The following PHF24 variants were observed in gnomAD, a reference collection of about 807,000 sequenced individuals.
PHF24 encodes the protein PHD finger protein 24.
PHF24 carries 25 observed loss-of-function variants against 42.6 expected under a neutral mutation model. The ratio of observed to expected loss-of-function variants is 0.59; its 90% CI spans 0.43 to 0.82. The LOEUF is 0.82. Among genes scored for constraint, PHF24 ranks in the 40% least tolerant of loss-of-function variants. The pLI is 0.00. For synonymous variants in PHF24, 185 were observed against 204.8 expected (o/e 0.90, Z 0.83); for missense variants, 470 against 538.1 (o/e 0.87, Z 1.25).
At chr9:34,946,254 G>C in the PHF24 span, among the ~76,000 whole-genome samples, 1 of 152,166 alleles carries the variant, frequency 6.6e-6, no homozygotes, top group African/African-American at 2.4e-5. Context: ...ATTATTAATG[G>C]TAGGTGGTTC....
At position 34,978,081 on chromosome 9, in the gene PHF24, C is replaced by A. The variant is rs199818707; in HGVS notation, c.1173C>A (p.Ser391Arg). Reference sequence around the variant, plus strand: ...ACATCCTGGCTGCTCGCCCCAACAGCGCAGCCATTCACCTGAAGCCCCCAG... The same window carrying A: ...ACATCCTGGCTGCTCGCCCCAACAGAGCAGCCATTCACCTGAAGCCCCCAG... The change falls in exon 8 of 8, where the codon AGC (serine) becomes AGA (arginine). Residue 391 changes from serine (S) to arginine (R), a missense_variant. Ser to Arg is a moderately radical substitution (Grantham distance 110, BLOSUM62 -1). Transcript: ENST00000242315. 584 of 1,614,010 alleles carry A rather than the reference C, an allele frequency of 3.6e-4. 1 individual carries two copies. Among genetic ancestry groups the A allele is most frequent in the Non-Finnish European group, 9.3e-5 (110 of 1,179,976 alleles).
chr9:34,889,868 G>C, the PHF24 span, among the ~76,000 whole-genome samples: 3 of 152,148 alleles, frequency 2.0e-5, no homozygotes, highest in Non-Finnish European at 4.4e-5. Context: ...GGCCCTTTAA[G>C]CTCTGGGCAC....
chr9:34,678,577 C>T, the PHF24 span, among the ~76,000 whole-genome samples: 2 of 152,068 alleles, frequency 1.3e-5, no homozygotes, highest in Non-Finnish European at 2.9e-5. Context: ...TCAAGTGATC[C>T]GCCCGCCTAG....
the PHF24 span, among the ~76,000 whole-genome samples, chr9:34,778,859 G>T: frequency 6.6e-6 from 1 of 152,152 alleles, no homozygotes; most frequent in East Asian, 1.9e-4. Flanking sequence ...AAGACCATTT[G>T]CTAGGTCATA....
chr9:34,751,389 G>A, the PHF24 span, among the ~76,000 whole-genome samples: 1 of 151,902 alleles, frequency 6.6e-6, no homozygotes, highest in East Asian at 1.9e-4. Flanking sequence ...AAATAAAAGA[G>A]TAGGAGTAGC....
At chr9:34,721,440 G>A in the PHF24 span, among the ~76,000 whole-genome samples, 1 of 138,970 alleles carries the variant, frequency 7.2e-6, no homozygotes, top group Non-Finnish European at 1.5e-5. Context: ...TCTCGATGGA[G>A]TTTTGCTCTT....
chr9:34,966,715 G>A (rs1826785402), intron 1 of PHF24, among the ~76,000 whole-genome samples: 1 of 151,972 alleles, frequency 6.6e-6, no homozygotes, highest in African/African-American at 2.4e-5. Context: ...TTAAGAGACA[G>A]GGTCTCACTG....
the PHF24 span, among the ~76,000 whole-genome samples, chr9:34,948,407 A>G: frequency 6.6e-6 from 1 of 152,032 alleles, no homozygotes; most frequent in African/African-American, 2.4e-5. Context: ...CTCACCACCC[A>G]CTCACTGACA....
chr9:34,944,766 TTTGG>T, the PHF24 span, among the ~76,000 whole-genome samples: 1 of 151,944 alleles, frequency 6.6e-6, no homozygotes, highest in African/African-American at 2.4e-5. Context: ...ATCCCAGCTG[TTTGG>T]GAACCTGAAG....
the PHF24 span, among the ~76,000 whole-genome samples, chr9:34,841,719 G>T: frequency 1.3e-5 from 2 of 152,064 alleles, no homozygotes; most frequent in African/African-American, 4.8e-5. Flanking sequence ...TTAGCCAGGA[G>T]TGGTGGCAGC....
chr9:34,959,882 C>T (rs995872895), intron 1 of PHF24, among the ~76,000 whole-genome samples: 13 of 150,088 alleles, frequency 8.7e-5, no homozygotes, highest in African/African-American at 3.2e-4. Flanking sequence ...TTAGGAAGCA[C>T]GATCCACACT....
chr9:34,896,577 C>T, the PHF24 span, among the ~76,000 whole-genome samples: 5 of 152,118 alleles, frequency 3.3e-5, no homozygotes, highest in Non-Finnish European at 7.3e-5. Flanking sequence ...GCAAAACTTT[C>T]GATTAAGGTT....
chr9:34,742,510 G>A, the PHF24 span, among the ~76,000 whole-genome samples: 23 of 152,212 alleles, frequency 1.5e-4, no homozygotes, highest in African/African-American at 4.6e-4. Context: ...ACTAACTTAC[G>A]GTTGTCACAC....
chr9:34,946,579 ATTAT>A, the PHF24 span, among the ~76,000 whole-genome samples: 1 of 152,232 alleles, frequency 6.6e-6, no homozygotes, highest in Non-Finnish European at 1.5e-5. Context: ...ACATGGGGTG[ATTAT>A]TTGACAATAT....
the PHF24 span, among the ~76,000 whole-genome samples, chr9:34,740,289 G>A: frequency 6.6e-6 from 1 of 152,230 alleles, no homozygotes; most frequent in African/African-American, 2.4e-5. Flanking sequence ...AGCAGGGGGC[G>A]GCGCTAGTCA....
chr9:34,951,919 A>G, the PHF24 span, among the ~76,000 whole-genome samples: 4 of 152,232 alleles, frequency 2.6e-5, no homozygotes, highest in African/African-American at 9.6e-5. Context: ...AGCTTCTACA[A>G]CAACAAAACT....
the PHF24 span, among the ~76,000 whole-genome samples, chr9:34,874,902 G>A: frequency 1.1e-4 from 16 of 152,056 alleles, no homozygotes; most frequent in African/African-American, 2.9e-4. Context: ...AAATAGGCAC[G>A]TCATGGAGAA....
At chr9:34,709,860 G>C in the PHF24 span, 1 of 1,614,088 alleles carries the variant, frequency 6.2e-7, no homozygotes. Flanking sequence ...TCCTTTGGCT[G>C]TACTTGAGGC....
the PHF24 span, among the ~76,000 whole-genome samples, chr9:34,842,268 G>T: frequency 1.3e-5 from 2 of 152,152 alleles, no homozygotes; most frequent in Non-Finnish European, 2.9e-5. Flanking sequence ...CCAGTTTGGG[G>T]CTACTAGAAA....
Sources: gnomAD v4.1 joint callset for allele counts (sites outside exome capture counted in the v4.1 genomes callset) on GRCh38, gnomAD v4.1.1 for gene constraint, MANE v1.5 for transcripts, NCBI Gene and HGNC (gene_info 2026-07-23, HGNC 2026-07-21) for gene names.